Variants in RPL18A observed in about 807,000 individuals in gnomAD.
The protein encoded by RPL18A is large ribosomal subunit protein eL20.
For missense variants in RPL18A, 163 were observed against 254.1 expected (o/e 0.64, Z 2.44); for synonymous variants, 122 against 96.9 (o/e 1.26, Z -1.52).
chr19:17,862,281 G>A, intron 3 of RPL18A, 58 bp downstream of exon 3: 2 of 1,591,724 alleles, frequency 1.3e-6, no homozygotes, highest in Admixed American at 1.7e-5. Context: ...CTCACACTGA[G>A]GCAGGGCAAG....
At chr19:17,862,244 C>T (rs2147716438) in intron 3 of RPL18A, 21 bp downstream of exon 3, 1 of 1,611,778 alleles carries the variant, frequency 6.2e-7, no homozygotes, top group Non-Finnish European at 8.5e-7. Flanking sequence ...TGTCCCGCCT[C>T]CAGCTTTTTA....
chr19:17,861,156 A>G, intron 1 of RPL18A, 137 bp from the exon 2 acceptor site: 1 of 689,230 alleles, frequency 1.5e-6, no homozygotes, highest in South Asian at 1.8e-5. Flanking sequence ...GTCACCAAGA[A>G]TCCACATGGA....
intron 1 of RPL18A, 53 bp downstream of exon 1, chr19:17,860,027 C>T (rs534176904): frequency 3.4e-5 from 49 of 1,450,236 alleles, no homozygotes; most frequent in African/African-American, 4.5e-5. Context: ...CGGGCCCCAT[C>T]AGGGGCCTGC....
intron 1 of RPL18A, chr19:17,860,308 C>T (rs2094274864): frequency 2.6e-6 from 1 of 391,992 alleles, no homozygotes; most frequent in Non-Finnish European, 4.6e-6. Flanking sequence ...GCAACGTGGA[C>T]GTGGCGGTAG....
chr19:17,861,898 A>T, intron 2 of RPL18A, 196 bp from the exon 3 acceptor site: 1 of 625,054 alleles, frequency 1.6e-6, no homozygotes. Context: ...GGCTGTTGCC[A>T]TGGGAAGTTC....
rs768394303 is a variant in RPL18A at position 17,862,049 on chromosome 19, A to G, written c.199-45A>G. The G allele has an allele frequency of 2.9e-5, 47 of 1,603,106 alleles. No individual in the cohort carries two copies. In the Middle Eastern group the frequency reaches 2.7e-3, roughly 93 times the overall value. ...TTCAGTGAGGATGGGGCTAGGGCAC[A>G]TCGGCTTGCTGCTCTCACATCTCCC... On this transcript the variant is annotated intron_variant, in intron 2 of 4. Coordinates refer to ENST00000222247, the MANE Select transcript of RPL18A (RefSeq NM_000980.4).
At chr19:17,862,820 A>C (rs1413763861) in intron 3 of RPL18A, 98 bp from the exon 4 acceptor site, 2 of 848,538 alleles carry the variant, frequency 2.4e-6, no homozygotes, top group Admixed American at 1.7e-5. Flanking sequence ...TGCTGTGACC[A>C]ACAGGATGTG....
intron 2 of RPL18A, chr19:17,861,756 T>C (rs1293530100): frequency 3.7e-6 from 2 of 546,344 alleles, no homozygotes; most frequent in East Asian, 3.1e-5. Context: ...CCCTGTCTGT[T>C]AAGTGAGGAG....
chr19:17,862,828 G>A, intron 3 of RPL18A, 90 bp from the exon 4 acceptor site: 1 of 866,086 alleles, frequency 1.2e-6, no homozygotes, highest in South Asian at 1.4e-5. Context: ...CCAACAGGAT[G>A]TGTCAGGTCA....
intron 1 of RPL18A, 193 bp downstream of exon 1, chr19:17,860,167 C>T (rs1384904194): frequency 3.7e-6 from 2 of 538,924 alleles, no homozygotes; most frequent in Non-Finnish European, 3.2e-6. Flanking sequence ...GATGCGTGAC[C>T]TGGGCCAGCT....
Position 17,862,051 on chromosome 19 carries a change from C to G in RPL18A, c.199-43C>G, listed in dbSNP as rs774114308. On this transcript the variant is annotated intron_variant, in intron 2 of 4. Transcript: ENST00000222247. ...CAGTGAGGATGGGGCTAGGGCACAT[C>G]GGCTTGCTGCTCTCACATCTCCCTG... is the stretch of plus-strand genomic sequence containing the variant. The G allele has an allele frequency of 1.9e-4, 305 of 1,602,880 alleles. 2 individuals carry two copies. In the Admixed American group the frequency reaches 3.6e-3, roughly 19 times the overall value.
chr19:17,859,923 T>C lies in RPL18A; in HGVS notation c.-34T>C, dbSNP rs1223943639. On this transcript the variant is annotated 5_prime_UTR_variant, in exon 1 of 5. Transcript: ENST00000222247. ...CGGCTGCGCGACAGAGGACACTTCC[T>C]TTTGCGGGTGGCGGCGAACGCGGAG... 42 of 1,543,208 alleles carry C rather than the reference T, an allele frequency of 2.7e-5. No homozygotes were observed. The highest frequency in any genetic ancestry group is 3.7e-5 in the Non-Finnish European group (42 of 1,145,114).
chr19:17,861,179 G>A, intron 1 of RPL18A, 114 bp from the exon 2 acceptor site: 1 of 920,988 alleles, frequency 1.1e-6, no homozygotes, highest in Middle Eastern at 2.7e-4. Context: ...CCCTAGGGTG[G>A]CCCTGCCTCC....
At chr19:17,862,526 G>A in intron 3 of RPL18A, 1 of 702,834 alleles carries the variant, frequency 1.4e-6, no homozygotes, top group Non-Finnish European at 2.6e-6. Context: ...GCCTAGTGTT[G>A]GGAGCTGGCA....
At position 17,861,376 on chromosome 19, in the gene RPL18A, G is replaced by A. The variant is rs1219564100; in HGVS notation, c.102G>A (p.Ala34=). ...TPPLYRMRIF[A]PNHVVAKSRF... ...CCCTCTACCGCATGCGAATCTTTGC[G>A]CCTAATCATGTCGTCGCCAAGTCCC... Residue 34 remains alanine, a synonymous_variant, in exon 2 of 5, where the codon GCG becomes GCA. Transcript: ENST00000222247. 1.2e-5 allele frequency: 19 copies of A among 1,612,310 alleles called. No homozygotes were observed. The highest frequency in any genetic ancestry group is 1.7e-5 in the Admixed American group (1 of 59,896).
At chr19:17,861,918 A>G in intron 2 of RPL18A, 176 bp from the exon 3 acceptor site, 2 of 696,962 alleles carry the variant, frequency 2.9e-6, no homozygotes, top group South Asian at 2.0e-5. Context: ...CCCTTACCTC[A>G]CGCTCCCTGA....
At chr19:17,860,114 G>C in intron 1 of RPL18A, 140 bp downstream of exon 1, 2 of 704,574 alleles carry the variant, frequency 2.8e-6, no homozygotes, top group Non-Finnish European at 4.4e-6. Flanking sequence ...TTCTCTTGTT[G>C]CACCCAACAT....
intron 2 of RPL18A, chr19:17,861,698 G>A (rs1193462157): frequency 5.2e-6 from 3 of 574,052 alleles, no homozygotes; most frequent in Non-Finnish European, 9.2e-6. Context: ...CCCAGGGAGC[G>A]GGTGGGTGGC....
At chr19:17,862,425 G>C (rs1438769701) in intron 3 of RPL18A, 2 of 688,654 alleles carry the variant, frequency 2.9e-6, no homozygotes, top group Non-Finnish European at 5.1e-6. Flanking sequence ...ATCACATCTG[G>C]AAACTCCCTT....
Sources: allele counts gnomAD v4.1 joint callset, GRCh38; gene constraint gnomAD v4.1.1; transcripts MANE v1.5; gene names NCBI Gene and HGNC (gene_info 2026-07-23, HGNC 2026-07-21).